The following LRMDA variants were observed in gnomAD, a reference collection of about 807,000 sequenced individuals.
LRMDA encodes the protein leucine rich melanocyte differentiation associated, also known as leucine-rich melanocyte differentiation-associated protein.
LRMDA carries 18 observed loss-of-function variants against 29.8 expected under a neutral mutation model. The observed-to-expected ratio is 0.60, with a 90% confidence interval of 0.42 to 0.90. LRMDA has a LOEUF of 0.90. LRMDA is among the 40% of genes least tolerant of loss of function. The pLI is 0.00. For missense variants in LRMDA, 273 were observed against 273.9 expected, an observed-to-expected ratio of 1.00 and a Z score of 0.02; for synonymous variants, 125 against 109.4, an observed-to-expected ratio of 1.14 and a Z score of -0.89.
At chr10:76,121,573 T>C (rs1849790020) in intron 5 of LRMDA, among the ~76,000 whole-genome samples, 1 of 152,192 alleles carries the variant, frequency 6.6e-6, no homozygotes, top group Non-Finnish European at 1.5e-5. Flanking sequence ...GAGAGGGTTG[T>C]CATGAAATGA....
intron 5 of LRMDA, among the ~76,000 whole-genome samples, chr10:76,114,663 C>T (rs956740485): frequency 1.7e-4 from 26 of 152,174 alleles, no homozygotes; most frequent in African/African-American, 6.0e-4. Flanking sequence ...CATCAGCTTA[C>T]GTGTGTGCAG....
At chr10:75,771,871 C>T (rs772325940) in intron 2 of LRMDA, among the ~76,000 whole-genome samples, 13 of 151,990 alleles carry the variant, frequency 8.6e-5, no homozygotes, top group Middle Eastern at 6.8e-3. Flanking sequence ...GGATTCAGCC[C>T]GTCTTGCAGC....
At chr10:75,491,185 G>A (rs1324703672) in intron 2 of LRMDA, among the ~76,000 whole-genome samples, 6 of 152,250 alleles carry the variant, frequency 3.9e-5, no homozygotes, top group African/African-American at 4.8e-5. Flanking sequence ...ATGTAGCTTC[G>A]TGTCATTATT....
intron 6 of LRMDA, among the ~76,000 whole-genome samples, chr10:76,373,039 T>C (rs1237452655): frequency 6.6e-6 from 1 of 152,164 alleles, no homozygotes; most frequent in Non-Finnish European, 1.5e-5. Flanking sequence ...TCGAAGACCA[T>C]GTGGAATCTA....
At chr10:75,872,388 C>A (rs946597491) in intron 2 of LRMDA, among the ~76,000 whole-genome samples, 1 of 152,106 alleles carries the variant, frequency 6.6e-6, no homozygotes, top group Admixed American at 6.6e-5. Flanking sequence ...ACTGCAACCT[C>A]CATCTCCTGG....
chr10:75,624,174 T>C (rs1841221975), intron 2 of LRMDA, among the ~76,000 whole-genome samples: 1 of 152,204 alleles, frequency 6.6e-6, no homozygotes, highest in African/African-American at 2.4e-5. Flanking sequence ...AACATATTAT[T>C]GGCTCTGTTT....
chr10:75,640,503 T>A (rs1841439196), intron 2 of LRMDA, among the ~76,000 whole-genome samples: 1 of 152,240 alleles, frequency 6.6e-6, no homozygotes, highest in Admixed American at 6.5e-5. Context: ...AGATCTGAAA[T>A]TCTCTTGCTG....
Position 75,807,212 on chromosome 10 carries a change from A to G in LRMDA, c.132-228796A>G, listed in dbSNP as rs940323460. On this transcript the variant is annotated intron_variant, in intron 2 of 6. Transcript: ENST00000611255. ...ATGTGAGATGGAGTGAGCAGTAGGC[A>G]TATGGCCAGGGTTTGTGTGTACAGA... Among the ~76,000 whole-genome samples the G allele has an allele frequency of 2.6e-5, 4 of 152,294 alleles. No homozygotes were observed. In the East Asian group the frequency reaches 7.8e-4, roughly 30 times the overall value.
At chr10:76,197,927 A>T (rs1851359568) in intron 5 of LRMDA, among the ~76,000 whole-genome samples, 1 of 152,096 alleles carries the variant, frequency 6.6e-6, no homozygotes, top group African/African-American at 2.4e-5. Context: ...TTCAAAAAAA[A>T]AAAAAATTGT....
intron 2 of LRMDA, among the ~76,000 whole-genome samples, chr10:75,917,022 C>T (rs755902023): frequency 6.6e-6 from 1 of 152,258 alleles, no homozygotes; most frequent in Middle Eastern, 3.4e-3. Context: ...CTTTGCGAGT[C>T]TTTCTGTGTT....
At chr10:75,669,364 A>G (rs1841863968) in intron 2 of LRMDA, among the ~76,000 whole-genome samples, 1 of 152,124 alleles carries the variant, frequency 6.6e-6, no homozygotes, top group Non-Finnish European at 1.5e-5. Context: ...CCCTTGATGA[A>G]GCCTGTTTTA....
intron 2 of LRMDA, among the ~76,000 whole-genome samples, chr10:75,654,152 T>A (rs1233208701): frequency 2.0e-5 from 3 of 152,148 alleles, no homozygotes; most frequent in African/African-American, 7.2e-5. Flanking sequence ...TTTCCTTTGG[T>A]GATATAGTAA....
intron 5 of LRMDA, among the ~76,000 whole-genome samples, chr10:76,073,337 T>C (rs1330655864): frequency 6.6e-6 from 1 of 152,230 alleles, no homozygotes; most frequent in African/African-American, 2.4e-5. Context: ...TAAATGTGTT[T>C]AGAAATCCTT....
intron 2 of LRMDA, among the ~76,000 whole-genome samples, chr10:75,640,931 C>T (rs1841445811): frequency 6.6e-6 from 1 of 152,218 alleles, no homozygotes; most frequent in Admixed American, 6.5e-5. Flanking sequence ...GATTCTTCTG[C>T]CAGCTTCCGC....
At chr10:76,175,484 G>A (rs188859787) in intron 5 of LRMDA, among the ~76,000 whole-genome samples, 5 of 152,246 alleles carry the variant, frequency 3.3e-5, no homozygotes, top group Non-Finnish European at 5.9e-5. Context: ...TGCTATTATC[G>A]TTTCTCTGGC....
chr10:76,464,986 A>C (rs966357342), intron 6 of LRMDA: 1 of 152,214 alleles, frequency 6.6e-6, no homozygotes, highest in Non-Finnish European at 1.5e-5. Context: ...ATGTGGGCAC[A>C]CAGAAGAAGC....
At chr10:76,033,943 C>T (rs894551696) in intron 2 of LRMDA, among the ~76,000 whole-genome samples, 24 of 151,428 alleles carry the variant, frequency 1.6e-4, no homozygotes, top group African/African-American at 5.6e-4. Context: ...AGGGTCAGGG[C>T]GTCTGGAAAC....
intron 6 of LRMDA, among the ~76,000 whole-genome samples, chr10:76,428,065 CT>C (rs979154405): frequency 3.3e-5 from 5 of 151,132 alleles, no homozygotes; most frequent in African/African-American, 4.9e-5. Flanking sequence ...CTAAAATTCT[CT>C]TTTTTTTTGT....
At chr10:75,801,620 A>G (rs1368442872) in intron 2 of LRMDA, among the ~76,000 whole-genome samples, 1 of 152,138 alleles carries the variant, frequency 6.6e-6, no homozygotes, top group Admixed American at 6.5e-5. Flanking sequence ...GGAAAGAGCA[A>G]ATGAGAAGCC....
Sources: allele counts gnomAD v4.1 joint callset (sites outside exome capture counted in the v4.1 genomes callset), GRCh38; gene constraint gnomAD v4.1.1; transcripts MANE v1.5; gene names NCBI Gene and HGNC (gene_info 2026-07-23, HGNC 2026-07-21).